Variants in PPFIA2 observed in about 807,000 individuals in gnomAD.
PPFIA2 encodes the protein PPFI scaffold protein A2, also known as liprin-alpha-2.
PPFIA2 carries 46 observed loss-of-function variants against 175.5 expected under a neutral mutation model. The ratio of observed to expected loss-of-function variants is 0.26; its 90% CI spans 0.21 to 0.34. The LOEUF (loss-of-function observed/expected upper bound fraction) is 0.34. Ranked by LOEUF, PPFIA2 falls within the 10% of genes least tolerant of loss-of-function variation. PPFIA2 has a pLI of 1.00. For missense variants in PPFIA2, 1,179 were observed against 1,506.1 expected (o/e 0.78, Z 3.60); for synonymous variants, 568 against 511.4 (o/e 1.11, Z -1.49).
chr12:81,309,668 AAAT>A (rs2050233311), intron 22 of PPFIA2, among the ~76,000 whole-genome samples: 2 of 152,228 alleles, frequency 1.3e-5, no homozygotes, highest in Middle Eastern at 3.4e-3. Context: ...TTTAGATTTC[AAAT>A]AATTTCATTA....
At chr12:81,630,839 C>A (rs11114948) in intron 4 of PPFIA2, among the ~76,000 whole-genome samples, 9,401 of 150,716 alleles carry the variant, frequency 0.062, 409 homozygotes, top group East Asian at 0.24. Context: ...ATTGTGCTTC[C>A]AGGCCCTGTA....
At chr12:81,527,575 C>T (rs569704336) in intron 4 of PPFIA2, among the ~76,000 whole-genome samples, 95 of 152,210 alleles carry the variant, frequency 6.2e-4, no homozygotes, top group African/African-American at 2.2e-3. Context: ...GGAACCTTCT[C>T]AGGCAAGCCT....
chr12:81,304,136 T>C (rs2048556886), intron 22 of PPFIA2, among the ~76,000 whole-genome samples: 1 of 152,214 alleles, frequency 6.6e-6, no homozygotes, highest in South Asian at 2.1e-4. Flanking sequence ...TCTCTTGCCC[T>C]GGAGGCATTA....
chr12:81,694,688 C>T (rs948353045), intron 3 of PPFIA2, among the ~76,000 whole-genome samples: 2 of 152,158 alleles, frequency 1.3e-5, no homozygotes, highest in Admixed American at 6.5e-5. Context: ...CATGAGGGCA[C>T]TGCATAGTGA....
rs114885264 is a variant in PPFIA2, at chr12:81,598,511, T to C, written c.303+78280A>G. 1,054 of 270,812 alleles carry C rather than the reference T, an allele frequency of 3.9e-3. 9 individuals are homozygous for C. Among genetic ancestry groups the C allele is most frequent in the African/African-American group, 0.023 (980 of 43,520 alleles). 16.8% of individuals were successfully genotyped at this position (270,812 alleles called of 1,614,324 possible). A position where few individuals can be genotyped will look rare whatever the true frequency, so the allele number is the denominator to read the frequency against. On this transcript the variant is annotated intron_variant, in intron 4 of 32. Transcript: ENST00000549396. ...CCTCTTCTGACTAACCTGAAGCATGTTTCATATACTGTTTAAAGCTCTACT... is the reference window on the plus strand; with the variant it reads ...CCTCTTCTGACTAACCTGAAGCATGCTTCATATACTGTTTAAAGCTCTACT...
chr12:81,509,319 C>A (rs920975168), intron 4 of PPFIA2, among the ~76,000 whole-genome samples: 1 of 152,034 alleles, frequency 6.6e-6, no homozygotes, highest in Non-Finnish European at 1.5e-5. Context: ...TCCATTTTAG[C>A]CATCATCTTG....
chr12:81,398,687 C>T lies in PPFIA2; in HGVS notation c.762+7100G>A, dbSNP rs1467430240. Among the ~76,000 whole-genome samples, 7 of 152,152 alleles carry T rather than the reference C, an allele frequency of 4.6e-5. No individual in the cohort carries two copies. In the East Asian group the frequency reaches 1.2e-3, roughly 25 times the overall value. ...CCGCTTTGTTAATGAGGTTTCCAGA[C>T]AAGTTTGAAAAACAATTTGGCTAAC... is the stretch of plus-strand genomic sequence containing the variant. On this transcript the variant is annotated intron_variant, in intron 8 of 32. Coordinates refer to ENST00000549396, the MANE Select transcript of PPFIA2 (RefSeq NM_003625.5).
chr12:81,613,237 A>T (rs1567573975), intron 4 of PPFIA2, among the ~76,000 whole-genome samples: 1 of 152,174 alleles, frequency 6.6e-6, no homozygotes, highest in East Asian at 1.9e-4. Flanking sequence ...AGATGCCTAC[A>T]TAGTTCCAGA....
intron 4 of PPFIA2, among the ~76,000 whole-genome samples, chr12:81,514,726 T>C (rs1256012555): frequency 6.6e-6 from 1 of 151,978 alleles, no homozygotes; most frequent in Non-Finnish European, 1.5e-5. Context: ...TTTTATACAA[T>C]GATAAAGTTG....
intron 7 of PPFIA2, among the ~76,000 whole-genome samples, chr12:81,428,000 C>T (rs1255004627): frequency 2.6e-5 from 4 of 151,894 alleles, no homozygotes; most frequent in African/African-American, 9.7e-5. Flanking sequence ...TTTTATCTTG[C>T]CTCTCACCAA....
At chr12:81,592,406 G>C (rs1455379766) in intron 4 of PPFIA2, among the ~76,000 whole-genome samples, 1 of 152,082 alleles carries the variant, frequency 6.6e-6, no homozygotes, top group Non-Finnish European at 1.5e-5. Flanking sequence ...AAGACATTTG[G>C]GATGGGTCTG....
At chr12:81,410,584 A>T (rs990410190) in intron 7 of PPFIA2, among the ~76,000 whole-genome samples, 1 of 152,100 alleles carries the variant, frequency 6.6e-6, no homozygotes, top group African/African-American at 2.4e-5. Flanking sequence ...ATCATCATTT[A>T]TCAAGTGTCT....
intron 4 of PPFIA2, among the ~76,000 whole-genome samples, chr12:81,486,237 A>C (rs1567023995): frequency 6.8e-6 from 1 of 147,180 alleles, no homozygotes; most frequent in Non-Finnish European, 1.5e-5. Flanking sequence ...TAGTGGCACA[A>C]AGAGTTTAAG....
intron 3 of PPFIA2, among the ~76,000 whole-genome samples, chr12:81,730,831 C>T (rs2471482): frequency 0.13 from 19,101 of 151,194 alleles, 1,457 homozygotes; most frequent in Non-Finnish European, 0.17. Context: ...AATCTAACTA[C>T]AGGGTAATAG....
chr12:81,263,092 T>C, intron 31 of PPFIA2, 139 bp downstream of exon 31: 1 of 813,008 alleles, frequency 1.2e-6, no homozygotes, highest in South Asian at 2.1e-5. Flanking sequence ...GGAGTCTGGT[T>C]TGTGATGAGA....
chr12:81,610,659 T>C (rs1249217422), intron 4 of PPFIA2, among the ~76,000 whole-genome samples: 1 of 152,226 alleles, frequency 6.6e-6, no homozygotes, highest in Non-Finnish European at 1.5e-5. Context: ...ATTTTTTGGA[T>C]GGGTTTACTT....
intron 4 of PPFIA2, among the ~76,000 whole-genome samples, chr12:81,551,428 A>G (rs1392198442): frequency 6.6e-6 from 1 of 152,056 alleles, no homozygotes; most frequent in African/African-American, 2.4e-5. Flanking sequence ...ATATTCAGGA[A>G]AAAACAATTA....
chr12:81,431,186 T>C (rs932450396), intron 7 of PPFIA2: 1 of 152,228 alleles, frequency 6.6e-6, no homozygotes, highest in Non-Finnish European at 1.5e-5. Flanking sequence ...AGTCTGTCAA[T>C]TGAATTTTTA....
At chr12:81,467,487 G>T (rs556219164) in intron 4 of PPFIA2, among the ~76,000 whole-genome samples, 2 of 152,240 alleles carry the variant, frequency 1.3e-5, no homozygotes, top group South Asian at 4.2e-4. Flanking sequence ...TCAGGAGTTC[G>T]AGAACAGCCT....
Sources: allele counts gnomAD v4.1 joint callset (sites outside exome capture counted in the v4.1 genomes callset), GRCh38; gene constraint gnomAD v4.1.1; transcripts MANE v1.5; gene names NCBI Gene and HGNC (gene_info 2026-07-23, HGNC 2026-07-21).